PDZD2: variants seen among roughly 807,000 people sequenced by gnomAD.
The protein encoded by PDZD2 is PDZ domain containing 2.
A neutral mutation model predicts 220.7 loss-of-function variants in PDZD2; 90 were observed. The ratio of observed to expected loss-of-function variants is 0.41; its 90% CI spans 0.34 to 0.49. The LOEUF (loss-of-function observed/expected upper bound fraction) is 0.49, where lower values mean the gene tolerates loss of function less well. PDZD2 is among the 20% of genes least tolerant of loss of function. The pLI is 0.28. For synonymous variants in PDZD2, 1,375 were observed against 1,450.5 expected, an observed-to-expected ratio of 0.95 and a Z score of 1.18; for missense variants, 3,174 against 3,608.5, an observed-to-expected ratio of 0.88 and a Z score of 3.08.
chr5:31,865,621 CTTTTT>C (rs776271275), intron 2 of PDZD2, among the ~76,000 whole-genome samples: 5 of 67,796 alleles, frequency 7.4e-5, no homozygotes, highest in African/African-American at 4.1e-4. Flanking sequence ...CTACTGGCAA[CTTTTT>C]TTTTTTTTTT....
intron 2 of PDZD2, among the ~76,000 whole-genome samples, chr5:31,859,266 CAATT>C (rs1561516779): frequency 6.6e-6 from 1 of 152,162 alleles, no homozygotes; most frequent in Admixed American, 6.5e-5. Flanking sequence ...GGCTCTGTGT[CAATT>C]AAACCTTCTC....
chr5:31,905,001 C>CTCTG (rs1742510861), intron 2 of PDZD2, among the ~76,000 whole-genome samples: 1 of 151,666 alleles, frequency 6.6e-6, no homozygotes, highest in African/African-American at 2.4e-5. Flanking sequence ...CAGAGTCTTG[C>CTCTG]TCTGTCACCC....
At chr5:31,692,145 C>T (rs554100499) in intron 1 of PDZD2, among the ~76,000 whole-genome samples, 100 of 143,900 alleles carry the variant, frequency 6.9e-4, no homozygotes, top group Non-Finnish European at 1.1e-3. Context: ...CTGCAGGTCC[C>T]GAGCCCTGCT....
intron 2 of PDZD2, among the ~76,000 whole-genome samples, chr5:31,968,312 C>G (rs369487850): frequency 3.3e-5 from 5 of 151,846 alleles, no homozygotes; most frequent in Non-Finnish European, 7.4e-5. Flanking sequence ...GAGCCGAGAT[C>G]GCACCACTGT....
At chr5:32,014,753 G>A (rs1753636433) in intron 6 of PDZD2, among the ~76,000 whole-genome samples, 1 of 119,514 alleles carries the variant, frequency 8.4e-6, no homozygotes, top group African/African-American at 4.1e-5. Context: ...GTTTCACTCT[G>A]TCACCAGGCT....
chr5:31,684,552 T>C (rs1481819621), intron 1 of PDZD2, among the ~76,000 whole-genome samples: 1 of 136,714 alleles, frequency 7.3e-6, no homozygotes, highest in African/African-American at 2.7e-5. Context: ...GTCTACATAG[T>C]AGCTAGAGCA....
intron 1 of PDZD2, among the ~76,000 whole-genome samples, chr5:31,751,645 C>T (rs1295981306): frequency 6.6e-6 from 1 of 152,122 alleles, no homozygotes; most frequent in Non-Finnish European, 1.5e-5. Flanking sequence ...CTAGCAGGGA[C>T]CTGGGTCCCA....
rs530855341 is a variant in PDZD2, at chr5:32,028,724, C to A, written c.1408-8507C>A. Among the ~76,000 whole-genome samples the A allele has an allele frequency of 2.7e-5, 4 of 148,568 alleles. No individual in the cohort carries two copies. The South Asian group carries it at 8.5e-4, about 32-fold the overall frequency. ...TGAGACAGAGTCTCGCTCTTGTTGC[C>A]CAGGCTGGAGTGCAGTGGCACAACC... is the stretch of plus-strand genomic sequence containing the variant. On this transcript the variant is annotated intron_variant, in intron 6 of 24. Transcript: ENST00000438447.
intron 2 of PDZD2, among the ~76,000 whole-genome samples, chr5:31,834,758 TG>T (rs1208898332): frequency 6.6e-6 from 1 of 151,686 alleles, no homozygotes; most frequent in Non-Finnish European, 1.5e-5. Context: ...GGGGGAGGGA[TG>T]GCATTGGGAG....
intron 24 of PDZD2, chr5:32,103,520 A>C (rs1171822760): frequency 6.6e-6 from 1 of 152,208 alleles, no homozygotes; most frequent in East Asian, 1.9e-4. Flanking sequence ...TGCATACAAC[A>C]ATCAGAGTGG....
chr5:32,051,800 G>A (rs1217743858), intron 8 of PDZD2, among the ~76,000 whole-genome samples: 2 of 152,202 alleles, frequency 1.3e-5, no homozygotes, highest in African/African-American at 2.4e-5. Context: ...CTCTCAGCGG[G>A]ATGTTTTATG....
intron 1 of PDZD2, among the ~76,000 whole-genome samples, chr5:31,680,190 C>A (rs1252279962): frequency 6.6e-6 from 1 of 152,054 alleles, no homozygotes; most frequent in African/African-American, 2.4e-5. Context: ...GGACGGTGGG[C>A]TCGGGGAGGA....
chr5:31,774,297 A>G (rs1752506058), intron 1 of PDZD2, among the ~76,000 whole-genome samples: 1 of 152,188 alleles, frequency 6.6e-6, no homozygotes, highest in Non-Finnish European at 1.5e-5. Context: ...GATAAAAGAA[A>G]GATGAGGAAA....
At chr5:31,738,028 G>C (rs1385181230) in intron 1 of PDZD2, among the ~76,000 whole-genome samples, 3 of 152,210 alleles carry the variant, frequency 2.0e-5, no homozygotes, top group Admixed American at 6.5e-5. Flanking sequence ...GAAGACAACA[G>C]ACCTGAAGGG....
intron 1 of PDZD2, among the ~76,000 whole-genome samples, chr5:31,656,311 C>G (rs1745549794): frequency 6.6e-6 from 1 of 152,220 alleles, no homozygotes; most frequent in African/African-American, 2.4e-5. Context: ...CCCGCCTTCC[C>G]TGGCTGGCAG....
At chr5:32,009,514 G>A (rs1440464448) in intron 5 of PDZD2, among the ~76,000 whole-genome samples, 1 of 151,494 alleles carries the variant, frequency 6.6e-6, no homozygotes, top group Non-Finnish European at 1.5e-5. Flanking sequence ...AATGGCTTGA[G>A]CCCAGGAGTT....
At chr5:31,763,990 G>A (rs1173589197) in intron 1 of PDZD2, among the ~76,000 whole-genome samples, 2 of 151,948 alleles carry the variant, frequency 1.3e-5, no homozygotes, top group East Asian at 1.9e-4. Flanking sequence ...TATTATATAC[G>A]AATGGGATGG....
intron 21 of PDZD2, 80 bp downstream of exon 21, chr5:32,093,104 C>T (rs28450841): frequency 0.096 from 72,293 of 750,874 alleles, 4,024 homozygotes; most frequent in East Asian, 0.23. Flanking sequence ...CCCAGACAGC[C>T]GAGGAGAGCC....
At chr5:31,951,222 C>A (rs188499078) in intron 2 of PDZD2, among the ~76,000 whole-genome samples, 358 of 152,240 alleles carry the variant, frequency 2.4e-3, no homozygotes, top group African/African-American at 8.2e-3. Context: ...TGTACAGCAC[C>A]ACACCCAGCT....
Sources: allele counts gnomAD v4.1 joint callset (sites outside exome capture counted in the v4.1 genomes callset), GRCh38; gene constraint gnomAD v4.1.1; transcripts MANE v1.5; gene names NCBI Gene and HGNC (gene_info 2026-07-23, HGNC 2026-07-21).